The following PARD3B variants were observed in gnomAD, a reference collection of about 807,000 sequenced individuals.
The protein encoded by PARD3B is partitioning defective 3 homolog B.
PARD3B carries 103 observed loss-of-function variants against 130.2 expected under a neutral mutation model. The observed-to-expected ratio is 0.79, with a 90% confidence interval of 0.67 to 0.93. The LOEUF (loss-of-function observed/expected upper bound fraction) is 0.93. Ranked by LOEUF, PARD3B falls within the 40% of genes least tolerant of loss-of-function variation. PARD3B has a pLI of 0.00. For synonymous variants in PARD3B, 583 were observed against 553.2 expected (o/e 1.05, Z -0.76); for missense variants, 1,609 against 1,499.2 (o/e 1.07, Z -1.21).
In PARD3B at chr2:204,640,674, T is replaced by C. The variant is rs73059040; in HGVS notation, c.121-45507T>C. Among the ~76,000 whole-genome samples the C allele has an allele frequency of 3.3e-3, 503 of 152,296 alleles. 2 individuals are homozygous for C. The highest frequency in any genetic ancestry group is 0.011 in the African/African-American group (468 of 41,572). On this transcript the variant is annotated intron_variant, in intron 1 of 22. Transcript: ENST00000406610. ...AGGTCCTTCATTAACTTGCCTTCAGTAACCCAGATGGAGTGTGCCATCTCT... is the reference window on the plus strand; with the variant it reads ...AGGTCCTTCATTAACTTGCCTTCAGCAACCCAGATGGAGTGTGCCATCTCT...
intron 20 of PARD3B, among the ~76,000 whole-genome samples, chr2:205,465,254 C>G (rs753293777): frequency 6.6e-6 from 1 of 152,072 alleles, no homozygotes; most frequent in Non-Finnish European, 1.5e-5. Context: ...TAGACACTTG[C>G]TAATTACTTT....
intron 2 of PARD3B, among the ~76,000 whole-genome samples, chr2:204,831,491 C>T (rs930046944): frequency 6.6e-6 from 1 of 152,160 alleles, no homozygotes; most frequent in African/African-American, 2.4e-5. Flanking sequence ...CTTACTTAAG[C>T]ACTGCTTAGC....
At position 205,230,124 on chromosome 2, in the gene PARD3B, T is replaced by C. The variant is rs1190897138; in HGVS notation, c.2141-15654T>C. On this transcript the variant is annotated intron_variant, in intron 15 of 22. Transcript: ENST00000406610. The surrounding 1 kb of genome is among the most constrained non-coding windows in gnomAD (Gnocchi z 4.1). ...GGAATTGGTGATCCCAAGAACCCGC[T>C]TTGTGCTCTATACCACTACGGCTGA... Among the ~76,000 whole-genome samples the C allele has an allele frequency of 1.3e-5, 2 of 151,982 alleles. No homozygotes were observed. The highest frequency in any genetic ancestry group is 4.8e-5 in the African/African-American group (2 of 41,374).
chr2:205,527,393 C>T (rs561603662), intron 21 of PARD3B, among the ~76,000 whole-genome samples: 1 of 152,112 alleles, frequency 6.6e-6, no homozygotes, highest in East Asian at 1.9e-4. Flanking sequence ...GGTACGTGAC[C>T]AACATCAGTA....
At chr2:205,215,599 G>A (rs552133922) in intron 15 of PARD3B, among the ~76,000 whole-genome samples, 2 of 152,156 alleles carry the variant, frequency 1.3e-5, no homozygotes, top group South Asian at 4.2e-4. Flanking sequence ...AAGTAATTAA[G>A]AAAATTGAGA....
At chr2:204,741,087 T>A (rs967004180) in intron 2 of PARD3B, among the ~76,000 whole-genome samples, 1 of 152,202 alleles carries the variant, frequency 6.6e-6, no homozygotes, top group Non-Finnish European at 1.5e-5. Flanking sequence ...ACGCATAGTT[T>A]AAGAAGCTTG....
intron 1 of PARD3B, among the ~76,000 whole-genome samples, chr2:204,579,323 G>A (rs958653775): frequency 5.9e-5 from 9 of 151,924 alleles, no homozygotes; most frequent in Admixed American, 3.3e-4. Flanking sequence ...GCCAGGGTCC[G>A]GTCCCTCCTG....
chr2:204,607,462 T>C (rs1233362763), intron 1 of PARD3B, among the ~76,000 whole-genome samples: 1 of 152,144 alleles, frequency 6.6e-6, no homozygotes, highest in Non-Finnish European at 1.5e-5. Context: ...TCACTGAATA[T>C]GTTAGCTGAG....
chr2:205,125,848 A>C lies in PARD3B; in HGVS notation c.1434+111A>C. The C allele has an allele frequency of 7.1e-7, 1 of 1,405,652 alleles. No homozygotes were observed. 87.1% of individuals were successfully genotyped at this position (1,405,652 alleles called of 1,614,324 possible). A position where few individuals can be genotyped will look rare whatever the true frequency, so the allele number is the denominator to read the frequency against. The stretch of plus-strand genomic sequence containing the variant: ...TAAATCACAGGCTTCATTCATAACC[A>C]AAATTGAATCACACTCAGGGTATTT... On this transcript the variant is annotated intron_variant, in intron 10 of 22. Coordinates refer to ENST00000406610, the MANE Select transcript of PARD3B (RefSeq NM_001302769.2). The surrounding 1 kb of genome is among the most constrained non-coding windows in gnomAD (Gnocchi z 4.0).
At chr2:205,353,788 G>A (rs542806726) in intron 18 of PARD3B, among the ~76,000 whole-genome samples, 5 of 152,086 alleles carry the variant, frequency 3.3e-5, no homozygotes, top group African/African-American at 1.2e-4. Flanking sequence ...TGCTGGCATT[G>A]TAGAAACAAA....
chr2:205,220,468 T>C (rs949662163), intron 15 of PARD3B, among the ~76,000 whole-genome samples: 5 of 152,224 alleles, frequency 3.3e-5, no homozygotes, highest in African/African-American at 1.2e-4. Context: ...GTTAGGTGCC[T>C]CATTACCAAC....
chr2:204,985,192 T>C (rs1414857723), intron 3 of PARD3B, among the ~76,000 whole-genome samples: 3 of 152,040 alleles, frequency 2.0e-5, no homozygotes, highest in Non-Finnish European at 4.4e-5. Context: ...CTTCCTTCCC[T>C]CCTGCCTGTT....
rs995198050 is a variant in PARD3B, at chr2:205,590,057, A to G, written c.3261-25399A>G. 7.3e-6 allele frequency among the ~76,000 whole-genome samples: 1 copy of G among 137,496 alleles called. No homozygotes were observed. Among genetic ancestry groups the G allele is most frequent in the Admixed American group, 6.8e-5 (1 of 14,668 alleles). 90.2% of individuals were successfully genotyped at this position (137,496 alleles called of 152,430 possible). A position where few individuals can be genotyped will look rare whatever the true frequency, so the allele number is the denominator to read the frequency against. On this transcript the variant is annotated intron_variant, in intron 22 of 22. Coordinates refer to ENST00000406610, the MANE Select transcript of PARD3B (RefSeq NM_001302769.2). This position sits in a 1 kb window ranked among gnomAD's most constrained non-coding sequence, Gnocchi z 4.1. ...CTAAGTATTTTATCCTCTAGTACTT[A>G]CATTCATACCTATTGGTATGAATAT...
chr2:205,036,216 AATATG>A (rs1697861037), intron 3 of PARD3B, among the ~76,000 whole-genome samples: 1 of 143,844 alleles, frequency 7.0e-6, no homozygotes, highest in African/African-American at 2.5e-5. Flanking sequence ...ATATATATAA[AATATG>A]TATATAGTGG....
chr2:204,670,894 A>G (rs1033563887), intron 1 of PARD3B, among the ~76,000 whole-genome samples: 1 of 152,074 alleles, frequency 6.6e-6, no homozygotes, highest in African/African-American at 2.4e-5. Flanking sequence ...AATGTCTCTT[A>G]CTGCAATCTT....
At chr2:204,763,814 T>C (rs1574923067) in intron 2 of PARD3B, among the ~76,000 whole-genome samples, 1 of 152,370 alleles carries the variant, frequency 6.6e-6, no homozygotes, top group South Asian at 2.1e-4. Context: ...TCACCTTCAA[T>C]ACATGTGTAT....
Position 204,907,289 on chromosome 2 carries a change from C to T in PARD3B, c.223-57863C>T, listed in dbSNP as rs114818760. Among the ~76,000 whole-genome samples, 10,959 of 152,184 alleles carry T rather than the reference C, an allele frequency of 0.072. 567 individuals carry two copies. Among genetic ancestry groups the T allele is most frequent in the Admixed American group, 0.11 (1,706 of 15,290 alleles). On this transcript the variant is annotated intron_variant, in intron 2 of 22. Coordinates refer to ENST00000406610, the MANE Select transcript of PARD3B (RefSeq NM_001302769.2). This position sits in a 1 kb window ranked among gnomAD's most constrained non-coding sequence, Gnocchi z 5.7. ...CTTTTATTTAGCAACTGGGAAAGTA[C>T]CTGTGGAGGACAATGACTAGGGCTG...
In PARD3B at chr2:205,084,438, A is replaced by G. The variant is rs1215914592; in HGVS notation, c.505-19988A>G. Among the ~76,000 whole-genome samples, 7 of 152,176 alleles carry G rather than the reference A, an allele frequency of 4.6e-5. No individual in the cohort carries two copies. In the East Asian group the frequency reaches 1.2e-3, roughly 25 times the overall value. On this transcript the variant is annotated intron_variant, in intron 4 of 22. Transcript: ENST00000406610. ...ACTTATTTGAATCCCTTTGTAAGGA[A>G]CATGTCTTATTGCTGCACAGGGTTC...
At position 204,887,465 on chromosome 2, in the gene PARD3B, G is replaced by T. The variant is rs78430948; in HGVS notation, c.223-77687G>T. ...CAGTCACTTTCGAGATAGCCTGTCT[G>T]CATGTTGGCTAGTTGTAGCAAGTTT... is the stretch of plus-strand genomic sequence containing the variant. On this transcript the variant is annotated intron_variant, in intron 2 of 22. Transcript: ENST00000406610. The surrounding 1 kb of genome is among the most constrained non-coding windows in gnomAD (Gnocchi z 4.2). 0.014 allele frequency among the ~76,000 whole-genome samples: 2,071 copies of T among 152,262 alleles called. 49 individuals carry two copies. Among genetic ancestry groups the T allele is most frequent in the African/African-American group, 0.047 (1,967 of 41,534 alleles).
Sources: gnomAD v4.1 joint callset for allele counts (sites outside exome capture counted in the v4.1 genomes callset) on GRCh38, gnomAD v4.1.1 for gene constraint, Gnocchi (gnomAD v3.1) non-coding constraint, MANE v1.5 for transcripts, NCBI Gene and HGNC (gene_info 2026-07-23, HGNC 2026-07-21) for gene names.